Variants in CLYBL observed in about 807,000 individuals in gnomAD.
CLYBL encodes the protein citramalyl-CoA lyase, also known as citramalyl-CoA lyase, mitochondrial.
In CLYBL, 31 loss-of-function variants were observed where a neutral mutation model predicts 38.9. The observed-to-expected ratio is 0.80, with a 90% CI of 0.60 to 1.08. The LOEUF (loss-of-function observed/expected upper bound fraction) is 1.08, where lower values mean the gene tolerates loss of function less well. Ranked by LOEUF, CLYBL falls within the 50% of genes least tolerant of loss-of-function variation. The pLI, the probability that CLYBL is intolerant of heterozygous loss-of-function variation, is 0.00. For missense variants in CLYBL, 434 were observed against 411.6 expected (o/e 1.05, Z -0.47); for synonymous variants, 171 against 158.6 (o/e 1.08, Z -0.59).
intron 1 of CLYBL, among the ~76,000 whole-genome samples, chr13:99,657,464 T>C (rs547755377): frequency 6.6e-6 from 1 of 152,254 alleles, no homozygotes; most frequent in Non-Finnish European, 1.5e-5. Flanking sequence ...CAAAAATCTT[T>C]CTTGACTTTC....
intron 3 of CLYBL, among the ~76,000 whole-genome samples, chr13:99,862,490 T>G (rs1412771292): frequency 6.6e-6 from 1 of 152,140 alleles, no homozygotes; most frequent in Non-Finnish European, 1.5e-5. Flanking sequence ...GCTAAAAAAT[T>G]ATGAAGAAAA....
intron 6 of CLYBL, among the ~76,000 whole-genome samples, chr13:99,867,038 C>A (rs1320302029): frequency 6.6e-6 from 1 of 152,068 alleles, no homozygotes; most frequent in Non-Finnish European, 1.5e-5. Context: ...TCACTCAGGT[C>A]CCCATGAGCC....
chr13:99,667,877 C>G (rs184282635), intron 1 of CLYBL, among the ~76,000 whole-genome samples: 16 of 152,302 alleles, frequency 1.1e-4, no homozygotes, highest in African/African-American at 3.9e-4. Context: ...GAAGAATTCT[C>G]TGGTCACCTG....
chr13:99,625,928 G>C (rs1252414278), intron 1 of CLYBL, among the ~76,000 whole-genome samples: 1 of 152,218 alleles, frequency 6.6e-6, no homozygotes, highest in Middle Eastern at 3.2e-3. Flanking sequence ...TCTCACGTGA[G>C]ATACGGGCTC....
chr13:99,676,498 A>G (rs1258651973), intron 1 of CLYBL, among the ~76,000 whole-genome samples: 1 of 150,914 alleles, frequency 6.6e-6, no homozygotes, highest in Admixed American at 6.6e-5. Flanking sequence ...GGATTTCGCC[A>G]TGTTGGCCAG....
chr13:99,718,863 G>T (rs1279823038), intron 1 of CLYBL, among the ~76,000 whole-genome samples: 39 of 150,608 alleles, frequency 2.6e-4, no homozygotes, highest in African/African-American at 9.3e-4. Context: ...TTTTTTCTGA[G>T]CAGAGTTTCG....
intron 1 of CLYBL, among the ~76,000 whole-genome samples, chr13:99,729,498 C>T (rs558177339): frequency 1.3e-5 from 2 of 152,076 alleles, no homozygotes; most frequent in Admixed American, 6.5e-5. Context: ...GGATCTGCTT[C>T]GGGCTAAATA....
intron 1 of CLYBL, among the ~76,000 whole-genome samples, chr13:99,770,080 C>CTTTTT (rs3033589): frequency 3.9e-5 from 4 of 103,182 alleles, no homozygotes; most frequent in Admixed American, 1.1e-4. Context: ...TCTTTTCTTT[C>CTTTTT]TTTTTTTTTT....
intron 1 of CLYBL, among the ~76,000 whole-genome samples, chr13:99,631,075 A>G (rs1405986175): frequency 6.6e-6 from 1 of 152,180 alleles, no homozygotes; most frequent in Non-Finnish European, 1.5e-5. Context: ...TAATCCCAGC[A>G]CTTTGGGAGG....
At chr13:99,723,842 A>T (rs1001435745) in intron 1 of CLYBL, among the ~76,000 whole-genome samples, 42 of 152,188 alleles carry the variant, frequency 2.8e-4, no homozygotes, top group African/African-American at 9.9e-4. Flanking sequence ...ATTCATCATG[A>T]TGGTTACAGG....
intron 1 of CLYBL, among the ~76,000 whole-genome samples, chr13:99,718,123 C>T (rs1414837593): frequency 2.6e-5 from 4 of 152,106 alleles, no homozygotes; most frequent in African/African-American, 9.7e-5. Flanking sequence ...AAGTGATCCT[C>T]CTGCCTGGGC....
intron 4 of CLYBL, among the ~76,000 whole-genome samples, chr13:99,863,438 G>A (rs946558903): frequency 6.6e-6 from 1 of 152,194 alleles, no homozygotes; most frequent in Non-Finnish European, 1.5e-5. Flanking sequence ...TCACCCTTAT[G>A]AATTAACTTT....
chr13:99,626,816 C>T (rs561961312), intron 1 of CLYBL, among the ~76,000 whole-genome samples: 31 of 152,024 alleles, frequency 2.0e-4, no homozygotes, highest in Middle Eastern at 3.4e-3. Flanking sequence ...GTAATCTACC[C>T]GATTGGTCAT....
At chr13:99,608,413 C>T (rs980393310) in intron 1 of CLYBL, among the ~76,000 whole-genome samples, 2 of 152,206 alleles carry the variant, frequency 1.3e-5, no homozygotes, top group African/African-American at 4.8e-5. Context: ...TGTGACTCTT[C>T]AGTCACCCAT....
chr13:99,764,257 G>A (rs1262264469), intron 1 of CLYBL, among the ~76,000 whole-genome samples: 2 of 151,664 alleles, frequency 1.3e-5, no homozygotes, highest in African/African-American at 2.4e-5. Context: ...GTAGAGACAT[G>A]GTTTTGCCAT....
chr13:99,622,448 C>T (rs1328694767), intron 1 of CLYBL, among the ~76,000 whole-genome samples: 1 of 152,202 alleles, frequency 6.6e-6, no homozygotes. Context: ...TCATCTAGAC[C>T]TGTTGGTTCC....
At chr13:99,832,255 C>G (rs76287112) in intron 2 of CLYBL, among the ~76,000 whole-genome samples, 2 of 152,230 alleles carry the variant, frequency 1.3e-5, no homozygotes, top group South Asian at 2.1e-4. Context: ...GTAGTGGTCT[C>G]GGTTCTTCCT....
chr13:99,813,376 A>G (rs2050380318), intron 2 of CLYBL, among the ~76,000 whole-genome samples: 1 of 152,230 alleles, frequency 6.6e-6, no homozygotes, highest in African/African-American at 2.4e-5. Context: ...CAAGTGCAAG[A>G]ACAGTAATAC....
rs552308083 is a variant in CLYBL, at chr13:99,851,130, T to G, written c.250-7731T>G. On this transcript the variant is annotated intron_variant, in intron 2 of 8. Transcript: ENST00000339105. ...GCTCATGCCTATAATCCCAGCACTT[T>G]GGGAGGCTGAGTGGGTCACCTGAGG... Among the ~76,000 whole-genome samples, 462 of 152,168 alleles carry G rather than the reference T, an allele frequency of 3.0e-3. 2 individuals carry two copies. The highest frequency in any genetic ancestry group is 0.011 in the African/African-American group (446 of 41,512).
Sources: allele counts gnomAD v4.1 joint callset (sites outside exome capture counted in the v4.1 genomes callset), GRCh38; gene constraint gnomAD v4.1.1; transcripts MANE v1.5; gene names NCBI Gene and HGNC (gene_info 2026-07-23, HGNC 2026-07-21).